PRMT8: variants seen among roughly 807,000 people sequenced by gnomAD.
The protein encoded by PRMT8 is protein arginine methyltransferase 8.
PRMT8 carries 7 observed loss-of-function variants against 47.1 expected under a neutral mutation model. The observed-to-expected ratio is 0.15, with a 90% CI of 0.08 to 0.28. PRMT8 has a LOEUF of 0.28. Ranked by LOEUF, PRMT8 falls within the 10% of genes least tolerant of loss-of-function variation. The probability of loss-of-function intolerance (pLI) is 1.00; values close to 1 mark genes in which losing one functional copy is unlikely to be tolerated. For missense variants in PRMT8, 237 were observed against 505.4 expected (o/e 0.47, Z 5.09); for synonymous variants, 188 against 186.5 (o/e 1.01, Z -0.07).
rs1052639629 is a variant in PRMT8 at position 3,538,316 on chromosome 12, G to C, written c.76-2290G>C. ...GAGACAATAAGGGTCTTAGAATCTA[G>C]AAAACAGGGTCCTGGGAGGGCACAG... On this transcript the variant is annotated intron_variant, in intron 1 of 9. Coordinates refer to ENST00000382622, the MANE Select transcript of PRMT8 (RefSeq NM_019854.5). The surrounding 1 kb of genome is among the most constrained non-coding windows in gnomAD (Gnocchi z 4.6). 2 of 220,574 alleles carry C rather than the reference G, an allele frequency of 9.1e-6. No individual in the cohort carries two copies. The highest frequency in any genetic ancestry group is 1.1e-4 in the East Asian group (1 of 9,200). 13.7% of individuals were successfully genotyped at this position (220,574 alleles called of 1,614,324 possible).
intron 1 of PRMT8, among the ~76,000 whole-genome samples, chr12:3,390,003 AAGAGAGCTTG>A (rs1864178428): frequency 6.6e-6 from 1 of 152,232 alleles, no homozygotes. Context: ...TGGCTCAGTT[AAGAGAGCTTG>A]AGCCTCCTCC....
At position 3,580,326 on chromosome 12, in the gene PRMT8, G is replaced by A. The variant is rs1399400981; in HGVS notation, c.829-2732G>A. On this transcript the variant is annotated intron_variant, in intron 7 of 9. Coordinates refer to ENST00000382622, the MANE Select transcript of PRMT8 (RefSeq NM_019854.5). This position sits in a 1 kb window ranked among gnomAD's most constrained non-coding sequence, Gnocchi z 4.6. ...AGAGGTGGAATTCCTGCCAGATGGG[G>A]GGTGCGTGTGCGTGTGTGTGTGTGT... Among the ~76,000 whole-genome samples, 3 of 133,876 alleles carry A rather than the reference G, an allele frequency of 2.2e-5. No individual in the cohort carries two copies. Among genetic ancestry groups the A allele is most frequent in the African/African-American group, 8.5e-5 (3 of 35,214 alleles). The allele number at this position is 133,876 out of a possible 152,430, so 87.8% of individuals were successfully genotyped here. A position where few individuals can be genotyped will look rare whatever the true frequency, so the allele number is the denominator to read the frequency against.
At chr12:3,431,956 A>G (rs967304017) in intron 1 of PRMT8, among the ~76,000 whole-genome samples, 3 of 152,218 alleles carry the variant, frequency 2.0e-5, no homozygotes, top group Non-Finnish European at 2.9e-5. Flanking sequence ...TGAGGGCATT[A>G]AAGGAGCAGG....
intron 1 of PRMT8, chr12:3,463,400 C>T (rs892679160): frequency 6.6e-6 from 1 of 152,158 alleles, no homozygotes; most frequent in Admixed American, 6.5e-5. Flanking sequence ...TCAAGAAAGG[C>T]TATAATTGCT....
Position 3,572,241 on chromosome 12 carries a change from C to CGAAG in PRMT8, c.712+2697_712+2700dup, listed in dbSNP as rs563204054. ...CTAGGCTCACAATACATAATTTTAA[C>CGAAG]GAAGGAAGGAAGGAAGGAAGGAAAG... is the stretch of plus-strand genomic sequence containing the variant. On this transcript the variant is annotated intron_variant, in intron 6 of 9. Transcript: ENST00000382622. This position sits in a 1 kb window ranked among gnomAD's most constrained non-coding sequence, Gnocchi z 5.9. 4.9e-3 allele frequency among the ~76,000 whole-genome samples: 745 copies of CGAAG among 151,828 alleles called. 5 individuals are homozygous for CGAAG. The highest frequency in any genetic ancestry group is 5.0e-3 in the Non-Finnish European group (343 of 67,940).
intron 1 of PRMT8, among the ~76,000 whole-genome samples, chr12:3,398,243 A>G (rs1216733433): frequency 2.0e-5 from 3 of 151,932 alleles, no homozygotes; most frequent in Admixed American, 2.0e-4. Context: ...CGAAATTTGG[A>G]TTTTATACTG....
intron 1 of PRMT8, among the ~76,000 whole-genome samples, chr12:3,524,704 G>A (rs1401993365): frequency 1.3e-5 from 2 of 151,670 alleles, no homozygotes; most frequent in Non-Finnish European, 2.9e-5. Flanking sequence ...GCGACATTTG[G>A]GAAAATTGTG....
chr12:3,568,669 C>T (rs765177635), intron 4 of PRMT8, 37 bp from the exon 5 acceptor site: 4 of 1,613,088 alleles, frequency 2.5e-6, no homozygotes, highest in East Asian at 2.2e-5. Flanking sequence ...TGGGTGGGGT[C>T]CCTGCAAAGT....
chr12:3,432,908 G>A (rs114643722), intron 1 of PRMT8, among the ~76,000 whole-genome samples: 54 of 152,236 alleles, frequency 3.5e-4, no homozygotes, highest in African/African-American at 6.5e-4. Flanking sequence ...GAAAGGGATC[G>A]TCCTATTCCC....
chr12:3,401,075 A>C (rs753106237), intron 1 of PRMT8, among the ~76,000 whole-genome samples: 1 of 134,386 alleles, frequency 7.4e-6, no homozygotes, highest in Non-Finnish European at 1.6e-5. Flanking sequence ...TGAACCTGGG[A>C]GGTGGAGGTT....
At chr12:3,470,681 C>T (rs772032569) in intron 1 of PRMT8, among the ~76,000 whole-genome samples, 31 of 115,134 alleles carry the variant, frequency 2.7e-4, no homozygotes, top group African/African-American at 8.5e-4. Context: ...TCTGTGGTCC[C>T]GGTGTCCAGG....
In PRMT8 at chr12:3,492,664, A is replaced by C. The variant is rs1398973313; in HGVS notation, c.75+964A>C. Among the ~76,000 whole-genome samples the C allele has an allele frequency of 6.6e-6, 1 of 152,094 alleles. No individual in the cohort carries two copies. The highest frequency in any genetic ancestry group is 1.9e-4 in the East Asian group (1 of 5,170). The stretch of plus-strand genomic sequence containing the variant: ...CTCTGACCCCGCTGTCATTACAACA[A>C]CCGGACTATTCCGTAGGCTCTGGGC... On this transcript the variant is annotated intron_variant, in intron 1 of 9. Transcript: ENST00000382622. The surrounding 1 kb of genome is among the most constrained non-coding windows in gnomAD (Gnocchi z 7.5).
intron 1 of PRMT8, among the ~76,000 whole-genome samples, chr12:3,399,913 A>C (rs1037212789): frequency 4.6e-5 from 7 of 152,218 alleles, no homozygotes; most frequent in African/African-American, 1.7e-4. Flanking sequence ...AGATAGAAGA[A>C]ACTTTTTTTT....
chr12:3,558,050 G>T (rs1261735502), intron 4 of PRMT8, among the ~76,000 whole-genome samples: 1 of 152,006 alleles, frequency 6.6e-6, no homozygotes, highest in African/African-American at 2.4e-5. Context: ...CAGCCTCCCT[G>T]GTCTCCCTCC....
At chr12:3,488,253 A>G (rs1412052012), upstream of PRMT8, among the ~76,000 whole-genome samples, 1 of 152,220 alleles carries the variant, frequency 6.6e-6, no homozygotes, top group Non-Finnish European at 1.5e-5. Flanking sequence ...AGTGTTCTAT[A>G]AAATTTAACT....
intron 1 of PRMT8, chr12:3,381,556 AGCCT>A (rs1382998055): frequency 8.2e-6 from 8 of 980,894 alleles, no homozygotes; most frequent in Non-Finnish European, 1.2e-5. Flanking sequence ...TCATCTGCAG[AGCCT>A]GCTCACGTCT....
At chr12:3,408,760 C>T (rs557160919) in intron 1 of PRMT8, among the ~76,000 whole-genome samples, 6 of 152,160 alleles carry the variant, frequency 3.9e-5, no homozygotes, top group South Asian at 2.1e-4. Flanking sequence ...CTTCAGGTGC[C>T]GGTTGGGCAG....
chr12:3,438,959 T>G (rs1354908541), intron 1 of PRMT8, among the ~76,000 whole-genome samples: 1 of 152,264 alleles, frequency 6.6e-6, no homozygotes, highest in Non-Finnish European at 1.5e-5. Flanking sequence ...TTTTAATTTC[T>G]GTGATTTTCT....
At chr12:3,431,575 A>C (rs1375588346) in intron 1 of PRMT8, among the ~76,000 whole-genome samples, 1 of 151,984 alleles carries the variant, frequency 6.6e-6, no homozygotes, top group East Asian at 1.9e-4. Flanking sequence ...AGGATGAAAA[A>C]CCACAAGGGA....
Sources: allele counts gnomAD v4.1 joint callset (sites outside exome capture counted in the v4.1 genomes callset), GRCh38; gene constraint gnomAD v4.1.1; non-coding constraint Gnocchi (gnomAD v3.1); transcripts MANE v1.5; gene names NCBI Gene and HGNC (gene_info 2026-07-23, HGNC 2026-07-21).